KCNMA1: variants seen among roughly 807,000 people sequenced by gnomAD.
The protein encoded by KCNMA1 is potassium calcium-activated channel subfamily M alpha 1.
KCNMA1 carries 29 observed loss-of-function variants against 140.0 expected under a neutral mutation model. The observed-to-expected ratio is 0.21, with a 90% CI of 0.15 to 0.28. KCNMA1 has a LOEUF of 0.28. Ranked by LOEUF, KCNMA1 falls within the 10% of genes least tolerant of loss-of-function variation. The pLI is 1.00. For missense variants in KCNMA1, 880 were observed against 1,602.2 expected, an observed-to-expected ratio of 0.55 and a Z score of 7.70; for synonymous variants, 612 against 611.9, an observed-to-expected ratio of 1.00 and a Z score of 0.00.
chr10:77,635,033 C>T (rs564065027), intron 1 of KCNMA1: 3 of 152,332 alleles, frequency 2.0e-5, no homozygotes, highest in African/African-American at 7.2e-5. Flanking sequence ...AACAAACCAC[C>T]ATCACCTCTC....
At chr10:77,201,987 T>C (rs1438217387) in intron 3 of KCNMA1, among the ~76,000 whole-genome samples, 1 of 152,250 alleles carries the variant, frequency 6.6e-6, no homozygotes, top group East Asian at 1.9e-4. Context: ...AACTCTGTCC[T>C]GTTTTTGCAA....
At chr10:77,199,682 TG>T (rs1336333918) in intron 3 of KCNMA1, among the ~76,000 whole-genome samples, 1 of 152,164 alleles carries the variant, frequency 6.6e-6, no homozygotes, top group African/African-American at 2.4e-5. Flanking sequence ...CAGTAGGCCT[TG>T]AGTGAGGATT....
chr10:77,107,814 G>A (rs1042275189), intron 9 of KCNMA1, among the ~76,000 whole-genome samples: 2 of 152,210 alleles, frequency 1.3e-5, no homozygotes, highest in African/African-American at 4.8e-5. Context: ...TGGATGAAGA[G>A]GAGAACTGGG....
chr10:76,955,928 T>G (rs2068089923), intron 20 of KCNMA1, among the ~76,000 whole-genome samples: 1 of 152,118 alleles, frequency 6.6e-6, no homozygotes, highest in African/African-American at 2.4e-5. Context: ...AGAGCCAGGT[T>G]CAAATTCTCT....
chr10:77,178,015 C>A (rs1336084869), intron 5 of KCNMA1, among the ~76,000 whole-genome samples: 1 of 152,082 alleles, frequency 6.6e-6, no homozygotes, highest in Non-Finnish European at 1.5e-5. Flanking sequence ...CTATTTTGGG[C>A]ATATATTTAT....
chr10:77,583,399 C>A (rs969499106), intron 1 of KCNMA1, among the ~76,000 whole-genome samples: 1 of 152,208 alleles, frequency 6.6e-6, no homozygotes, highest in African/African-American at 2.4e-5. Flanking sequence ...TTGAATATTT[C>A]TCACATAGGG....
intron 15 of KCNMA1, among the ~76,000 whole-genome samples, chr10:77,033,247 G>T (rs954367742): frequency 2.0e-5 from 3 of 152,112 alleles, no homozygotes; most frequent in Non-Finnish European, 2.9e-5. Context: ...GCTAGAAATC[G>T]AAATATCCAG....
chr10:76,962,032 G>A (rs527835954), intron 20 of KCNMA1, among the ~76,000 whole-genome samples: 2 of 152,346 alleles, frequency 1.3e-5, no homozygotes, highest in East Asian at 1.9e-4. Flanking sequence ...ATCTCAGGAA[G>A]TGAACTAAAT....
intron 1 of KCNMA1, chr10:77,636,217 T>C: frequency 7.0e-7 from 1 of 1,429,414 alleles, no homozygotes; most frequent in Non-Finnish European, 9.1e-7. Context: ...AGTTCTTTCT[T>C]TTTTATTCTG....
intron 2 of KCNMA1, among the ~76,000 whole-genome samples, chr10:77,305,721 C>T (rs533931326): frequency 1.3e-5 from 2 of 152,304 alleles, no homozygotes; most frequent in Admixed American, 6.5e-5. Context: ...CATAGGCTAC[C>T]TGTCATTCTC....
chr10:76,996,845 T>A (rs2131216), intron 19 of KCNMA1, among the ~76,000 whole-genome samples: 52,069 of 151,944 alleles, frequency 0.34, 9,141 homozygotes, highest in East Asian at 0.56. Context: ...AGAATTTAGG[T>A]TTGGGGAATT....
At chr10:77,463,505 C>A (rs920836132) in intron 1 of KCNMA1, among the ~76,000 whole-genome samples, 1 of 152,172 alleles carries the variant, frequency 6.6e-6, no homozygotes, top group Non-Finnish European at 1.5e-5. Context: ...TTTGGTGGCA[C>A]CTCCCTGATG....
chr10:77,015,565 C>T (rs2091858127), intron 17 of KCNMA1, among the ~76,000 whole-genome samples: 1 of 152,126 alleles, frequency 6.6e-6, no homozygotes, highest in African/African-American at 2.4e-5. Flanking sequence ...TCACACTTAT[C>T]CCCAGAACTC....
At chr10:76,987,268 A>G (rs1215580795) in intron 19 of KCNMA1, among the ~76,000 whole-genome samples, 8 of 152,346 alleles carry the variant, frequency 5.3e-5, no homozygotes, top group South Asian at 2.1e-4. Context: ...AAACCTCAAC[A>G]TAAAAACTGT....
intron 1 of KCNMA1, among the ~76,000 whole-genome samples, chr10:77,428,764 C>T: frequency 6.6e-6 from 1 of 152,036 alleles, no homozygotes; most frequent in East Asian, 1.9e-4. Context: ...GCTGGAATAC[C>T]TTGAATATCC....
chr10:77,090,556 A>C, intron 9 of KCNMA1, 46 bp from the exon 10 acceptor site: 1 of 1,265,616 alleles, frequency 7.9e-7, no homozygotes. Context: ...CCACGACAGG[A>C]CCCTGCATCC....
intron 15 of KCNMA1, among the ~76,000 whole-genome samples, chr10:77,037,340 T>C (rs1247758): frequency 0.93 from 141,431 of 152,298 alleles, 65,730 homozygotes; most frequent in Middle Eastern, 0.97. Flanking sequence ...GTTAGCATTC[T>C]GAGGAAATGC....
intron 1 of KCNMA1, among the ~76,000 whole-genome samples, chr10:77,492,452 C>T (rs185232368): frequency 1.3e-5 from 2 of 152,348 alleles, no homozygotes; most frequent in Non-Finnish European, 2.9e-5. Context: ...ACTGCATTTA[C>T]TCTGTACTGA....
chr10:77,136,592 GAAA>G (rs57606631), intron 5 of KCNMA1, among the ~76,000 whole-genome samples: 299 of 145,052 alleles, frequency 2.1e-3, no homozygotes, highest in Middle Eastern at 3.5e-3. Flanking sequence ...TGGAAATGCT[GAAA>G]AAAAAAAAAA....
Sources: gnomAD v4.1 joint callset for allele counts (sites outside exome capture counted in the v4.1 genomes callset) on GRCh38, gnomAD v4.1.1 for gene constraint, MANE v1.5 for transcripts, NCBI Gene and HGNC (gene_info 2026-07-23, HGNC 2026-07-21) for gene names.